The following PCNX3 variants were observed in gnomAD, a reference collection of about 807,000 sequenced individuals.
PCNX3 encodes pecanex-like protein 3.
Under a neutral mutation model 207.2 loss-of-function variants are expected in PCNX3, and 58 were observed. That is an observed-to-expected ratio of 0.28 (90% CI 0.23 to 0.35). The LOEUF is 0.35. PCNX3 is among the 10% of genes least tolerant of loss of function. The pLI is 1.00. For synonymous variants in PCNX3, 1,337 were observed against 1,183.5 expected (o/e 1.13, Z -2.66); for missense variants, 2,410 against 2,774.4 (o/e 0.87, Z 2.95).
At position 65,618,371 on chromosome 11, in the gene PCNX3, A is replaced by G. The variant is rs759435361; in HGVS notation, c.1009A>G (p.Thr337Ala). The G allele has an allele frequency of 6.2e-7, 1 of 1,612,538 alleles. No homozygotes were observed. The highest frequency in any genetic ancestry group is 8.5e-7 in the Non-Finnish European group (1 of 1,179,808). The stretch of plus-strand genomic sequence containing the variant: ...GGGGCCAGCCCCTGAGGGCAGCGAC[A>G]CAGACCCACCCTCTGAGGCTGAGCT... ...PGGPAPEGSD[T>A]DPPSEAELPA... The change falls in exon 6 of 35, where the codon ACA becomes GCA. Residue 337 changes from threonine (T) to alanine (A), a missense_variant. Coordinates refer to ENST00000355703, the MANE Select transcript of PCNX3 (RefSeq NM_032223.4).
rs576920469 is a variant in PCNX3 at position 65,622,121 on chromosome 11, C to T, written c.2236-124C>T. The T allele has an allele frequency of 5.9e-4, 854 of 1,444,982 alleles. 1 individual carries two copies. Among genetic ancestry groups the T allele is most frequent in the Non-Finnish European group, 7.4e-4 (808 of 1,095,768 alleles). The allele number at this position is 1,444,982 out of a possible 1,614,324, so 89.5% of individuals were successfully genotyped here. On this transcript the variant is annotated intron_variant, in intron 10 of 34. Transcript: ENST00000355703. ...GCCTTTATGTGCTGATGGAAATGGT[C>T]AACCAGACCGGTGTGCTGAAGGGGG...
rs1345695785 is a variant in PCNX3 at position 65,617,654 on chromosome 11, C to T, written c.525C>T (p.Ile175=). Residue 175 remains isoleucine (I), a synonymous_variant, in exon 5 of 35, where the codon ATC becomes ATT. Transcript: ENST00000355703. ...LVREQGSNNV[I]VTSADREMLK... ...GGGAGCAGGGCAGCAACAATGTGATCGTGACTTCTGCCGACCGAGAGATGC... is the reference window on the plus strand; with the variant it reads ...GGGAGCAGGGCAGCAACAATGTGATTGTGACTTCTGCCGACCGAGAGATGC... 3.1e-6 allele frequency: 5 copies of T among 1,596,898 alleles called. No individual in the cohort carries two copies. The highest frequency in any genetic ancestry group is 2.3e-5 in the East Asian group (1 of 44,268).
Position 65,625,798 on chromosome 11 carries a change from C to A in PCNX3, c.3228+54C>A. ...CTCGCTGTCTTGGCGGGAGCCTGCT[C>A]AATCTGAGTGCCGTGGGCAGCCCCT... is the stretch of plus-strand genomic sequence containing the variant. On this transcript the variant is annotated intron_variant, in intron 19 of 34. Transcript: ENST00000355703. This position sits in a 1 kb window ranked among gnomAD's most constrained non-coding sequence, Gnocchi z 5.6. The A allele has an allele frequency of 6.3e-7, 1 of 1,596,972 alleles. No homozygotes were observed. The highest frequency in any genetic ancestry group is 1.1e-5 in the South Asian group (1 of 89,810).
At position 65,636,911 on chromosome 11, in the gene PCNX3, A is replaced by G. The variant is rs1855873683; in HGVS notation, c.6038A>G (p.Asp2013Gly). The G allele has an allele frequency of 6.4e-7, 1 of 1,558,902 alleles. No individual in the cohort carries two copies. The highest frequency in any genetic ancestry group is 1.7e-4 in the Middle Eastern group (1 of 6,008). Residue 2013 changes from aspartate to glycine, a missense_variant, in exon 35 of 35, where the codon GAC becomes GGC. Physicochemically the swap from Asp to Gly is moderately conservative, Grantham distance 94. Coordinates refer to ENST00000355703, the MANE Select transcript of PCNX3 (RefSeq NM_032223.4). Reference protein sequence around the residue: ...ESGTPMGALGDWPAPIEERES... With the variant: ...ESGTPMGALGGWPAPIEERES... Reference sequence around the variant, plus strand: ...GGCACACCTATGGGTGCCCTGGGCGACTGGCCTGCCCCTATTGAGGAGCGT... The same window carrying G: ...GGCACACCTATGGGTGCCCTGGGCGGCTGGCCTGCCCCTATTGAGGAGCGT...
At chr11:65,634,005 C>A in intron 27 of PCNX3, 121 bp from the exon 28 acceptor site, 1 of 905,342 alleles carries the variant, frequency 1.1e-6, no homozygotes, top group Non-Finnish European at 1.7e-6. Context: ...GCTCTAGGAG[C>A]GGGGCATCCC....
At chr11:65,630,219 A>G in intron 26 of PCNX3, 132 bp from the exon 27 acceptor site, 1 of 1,325,908 alleles carries the variant, frequency 7.5e-7, no homozygotes, top group Non-Finnish European at 1.0e-6. Flanking sequence ...TTGGCATCCA[A>G]TAAGGTTGAC....
chr11:65,616,659 C>T (rs937432065), intron 1 of PCNX3, among the ~76,000 whole-genome samples, 165 bp from the exon 2 acceptor site: 1 of 152,198 alleles, frequency 6.6e-6, no homozygotes, highest in Non-Finnish European at 1.5e-5. Context: ...TCTCATCCAG[C>T]TAAGCAGAAT....
chr11:65,617,181 A>G, intron 2 of PCNX3, 69 bp from the exon 3 acceptor site: 1 of 1,468,146 alleles, frequency 6.8e-7, no homozygotes. Flanking sequence ...AAGCAGTGAC[A>G]AAGATGGGAG....
chr11:65,616,207 C>T lies in PCNX3; in HGVS notation c.-105C>T, dbSNP rs1319012907. 23 of 933,428 alleles carry T rather than the reference C, an allele frequency of 2.5e-5. No individual in the cohort carries two copies. Among genetic ancestry groups the T allele is most frequent in the East Asian group, 3.3e-5 (1 of 30,454 alleles). 57.8% of individuals were successfully genotyped at this position (933,428 alleles called of 1,614,324 possible). Reference sequence around the variant, plus strand: ...CCGCTGGGGGAGGCCATGGCGTGAGCGTGAGGCCGGGCCCCGGGGCCCTCA... The same window carrying T: ...CCGCTGGGGGAGGCCATGGCGTGAGTGTGAGGCCGGGCCCCGGGGCCCTCA... On this transcript the variant is annotated 5_prime_UTR_variant, in exon 1 of 35. Coordinates refer to ENST00000355703, the MANE Select transcript of PCNX3 (RefSeq NM_032223.4).
chr11:65,631,144 C>T (rs1230743576), intron 27 of PCNX3, among the ~76,000 whole-genome samples: 1 of 152,116 alleles, frequency 6.6e-6, no homozygotes, highest in Non-Finnish European at 1.5e-5. Flanking sequence ...CCCAGGCTGG[C>T]CCTGAGCCAC....
At chr11:65,616,771 T>C in intron 1 of PCNX3, 53 bp from the exon 2 acceptor site, 1 of 1,565,236 alleles carries the variant, frequency 6.4e-7, no homozygotes, top group Non-Finnish European at 8.7e-7. Flanking sequence ...GGCAGGTACA[T>C]CCTGTGGGGG....
chr11:65,623,952 C>T lies in PCNX3; in HGVS notation c.2535C>T (p.Ser845=). ...LLKSVQPDAA[S]PMHGHNWVIA... ...AGAGCGTGCAGCCTGATGCGGCGTCCCCCATGCACGTGAGTACCCATGGAG... is the reference window on the plus strand; with the variant it reads ...AGAGCGTGCAGCCTGATGCGGCGTCTCCCATGCACGTGAGTACCCATGGAG... Residue 845 remains serine, a synonymous_variant, in exon 13 of 35, where the codon TCC becomes TCT. Transcript: ENST00000355703. 6.2e-7 allele frequency: 1 copy of T among 1,612,122 alleles called. No individual in the cohort carries two copies. Among genetic ancestry groups the T allele is most frequent in the Non-Finnish European group, 8.5e-7 (1 of 1,179,876 alleles).
At chr11:65,619,471 C>T (rs1590872800) in intron 6 of PCNX3, 66 bp from the exon 7 acceptor site, 2 of 1,578,044 alleles carry the variant, frequency 1.3e-6, no homozygotes, top group African/African-American at 1.3e-5. Context: ...ACACCGTCCC[C>T]AACCTTACTC....
chr11:65,618,602 G>A lies in PCNX3; in HGVS notation c.1240G>A (p.Glu414Lys), dbSNP rs779795693. Residue 414 changes from glutamate to lysine, a missense_variant, in exon 6 of 35, where the codon GAA (glutamate) becomes AAA (lysine). This residue lies in a region of PCNX3 where 1,104 missense variants were observed against 970.3 expected (regional missense o/e 1.14). Coordinates refer to ENST00000355703, the MANE Select transcript of PCNX3 (RefSeq NM_032223.4). The stretch of plus-strand genomic sequence containing the variant: ...CCGTGCCCCTCGACGGCCCCTGCTT[G>A]AAGGTGGGGGCTTCTTTGAGGATGA... ...PGRAPRRPLLEGGGFFEDEDT... is the reference protein window; with the variant it reads ...PGRAPRRPLLKGGGFFEDEDT... The A allele has an allele frequency of 2.2e-5, 35 of 1,612,440 alleles. No individual in the cohort carries two copies. The highest frequency in any genetic ancestry group is 3.0e-5 in the Non-Finnish European group (35 of 1,179,800).
chr11:65,630,923 T>C (rs1342791697), intron 27 of PCNX3, among the ~76,000 whole-genome samples: 1 of 152,154 alleles, frequency 6.6e-6, no homozygotes, highest in African/African-American at 2.4e-5. Flanking sequence ...CACAGAGCAG[T>C]GGTAGAGCTA....
rs778836288 is a variant in PCNX3, at chr11:65,629,341, C to T, written c.3942-16C>T. 1.2e-6 allele frequency: 2 copies of T among 1,607,492 alleles called. No homozygotes were observed. Among genetic ancestry groups the T allele is most frequent in the South Asian group, 1.1e-5 (1 of 89,746 alleles). ...ACCTTCTTGGCCAACCGCCTTGTTG[C>T]ACTCTCTCTGAACAGCACTAAACGT... On this transcript the variant is annotated splice_polypyrimidine_tract_variant and intron_variant, in intron 24 of 34. Coordinates refer to ENST00000355703, the MANE Select transcript of PCNX3 (RefSeq NM_032223.4).
chr11:65,620,667 C>T (rs759698180), intron 9 of PCNX3, among the ~76,000 whole-genome samples, 164 bp from the exon 10 acceptor site: 22 of 152,216 alleles, frequency 1.4e-4, no homozygotes, highest in Non-Finnish European at 2.5e-4. Flanking sequence ...GTGCCAGGGT[C>T]TGGGAGGGAG....
chr11:65,617,155 G>A (rs1854781364), intron 2 of PCNX3, 95 bp from the exon 3 acceptor site: 2 of 1,417,564 alleles, frequency 1.4e-6, no homozygotes, highest in South Asian at 1.3e-5. Context: ...GAATTGTAAA[G>A]TGACTTCTGA....
chr11:65,624,687 G>A (rs1020662367), intron 15 of PCNX3, 106 bp downstream of exon 15: 12 of 1,099,512 alleles, frequency 1.1e-5, no homozygotes, highest in Middle Eastern at 5.2e-4. Context: ...TCCTGCGTCT[G>A]TACTGCAGAC....
Sources: allele counts gnomAD v4.1 joint callset (sites outside exome capture counted in the v4.1 genomes callset), GRCh38; gene constraint gnomAD v4.1.1; regional missense constraint gnomAD v4.1.1; non-coding constraint Gnocchi (gnomAD v3.1); transcripts MANE v1.5; gene names NCBI Gene and HGNC (gene_info 2026-07-23, HGNC 2026-07-21).